Variants in GRM8 observed in about 807,000 individuals in gnomAD.
GRM8 encodes glutamate metabotropic receptor 8.
In GRM8, 47 loss-of-function variants were observed where a neutral mutation model predicts 87.2. The ratio of observed to expected loss-of-function variants is 0.54; its 90% CI spans 0.43 to 0.69. The LOEUF (loss-of-function observed/expected upper bound fraction) is 0.69, where lower values mean the gene tolerates loss of function less well. Ranked by LOEUF, GRM8 falls within the 30% of genes least tolerant of loss-of-function variation. GRM8 has a pLI of 0.00. For synonymous variants in GRM8, 396 were observed against 404.5 expected (o/e 0.98, Z 0.25); for missense variants, 1,019 against 1,139.2 (o/e 0.89, Z 1.52).
chr7:127,250,627 T>C (rs1798817087), intron 1 of GRM8, among the ~76,000 whole-genome samples: 1 of 152,206 alleles, frequency 6.6e-6, no homozygotes, highest in Admixed American at 6.5e-5. Context: ...AGGAAGCTTT[T>C]CTTTTCAAAA....
intron 3 of GRM8, among the ~76,000 whole-genome samples, chr7:127,076,883 C>T (rs891620703): frequency 1.3e-5 from 2 of 152,128 alleles, no homozygotes; most frequent in African/African-American, 4.8e-5. Context: ...TTAGAGCTGT[C>T]TGTGGTTAAA....
intron 8 of GRM8, among the ~76,000 whole-genome samples, chr7:126,596,018 G>A (rs960253349): frequency 1.3e-5 from 2 of 152,118 alleles, no homozygotes; most frequent in African/African-American, 4.8e-5. Flanking sequence ...AGGCTACTCA[G>A]GAGGCTGAGC....
At chr7:126,477,653 G>T (rs1220689898) in intron 9 of GRM8, among the ~76,000 whole-genome samples, 1 of 147,150 alleles carries the variant, frequency 6.8e-6, no homozygotes, top group East Asian at 2.0e-4. Context: ...GAAAGAGAAA[G>T]AAAGAAAAGA....
In GRM8 at chr7:126,972,602, GA is replaced by G. The variant is rs796571212; in HGVS notation, c.728-67920del. 5.9e-5 allele frequency among the ~76,000 whole-genome samples: 9 copies of G among 152,034 alleles called. 1 individual carries two copies. Among genetic ancestry groups the G allele is most frequent in the African/African-American group, 2.2e-4 (9 of 41,456 alleles). ...ATTTCTATCTGCATTACAAATGCTA[GA>G]TTTAACCAATCTATCAAACCAGGAT... On this transcript the variant is annotated intron_variant, in intron 3 of 10. Coordinates refer to ENST00000339582, the MANE Select transcript of GRM8 (RefSeq NM_000845.3).
At chr7:126,769,583 T>A (rs925865362) in intron 7 of GRM8, among the ~76,000 whole-genome samples, 1 of 152,160 alleles carries the variant, frequency 6.6e-6, no homozygotes, top group Non-Finnish European at 1.5e-5. Context: ...TGGTTTCAAA[T>A]AAGCCTTCTA....
rs144812305 is a variant in GRM8 at position 127,077,683 on chromosome 7, T to C, written c.727+28813A>G. 7.8e-3 allele frequency among the ~76,000 whole-genome samples: 1,188 copies of C among 152,344 alleles called. 10 individuals carry two copies. The highest frequency in any genetic ancestry group is 0.026 in the African/African-American group (1,098 of 41,572). ...AACTGACCAGTAGACATGCCCATTT[T>C]TTAATTACGTTCTCTGCCAGGTAAC... On this transcript the variant is annotated intron_variant, in intron 3 of 10. Transcript: ENST00000339582.
At chr7:126,597,341 C>G (rs890755546) in intron 8 of GRM8, among the ~76,000 whole-genome samples, 1 of 152,006 alleles carries the variant, frequency 6.6e-6, no homozygotes, top group Admixed American at 6.6e-5. Flanking sequence ...AATTAATATA[C>G]AATACTTTTC....
intron 6 of GRM8, among the ~76,000 whole-genome samples, chr7:126,809,120 C>T (rs1793053506): frequency 6.6e-6 from 1 of 152,140 alleles, no homozygotes. Flanking sequence ...ATGGCCTCTT[C>T]CTCCACTTTC....
At chr7:126,487,449 T>A (rs910874582) in intron 9 of GRM8, among the ~76,000 whole-genome samples, 2 of 151,908 alleles carry the variant, frequency 1.3e-5, no homozygotes, top group Admixed American at 6.6e-5. Context: ...TTTTAATAAC[T>A]TTTTCTGATA....
intron 9 of GRM8, among the ~76,000 whole-genome samples, chr7:126,464,098 A>G (rs1804215904): frequency 6.6e-6 from 1 of 151,516 alleles, no homozygotes; most frequent in Non-Finnish European, 1.5e-5. Context: ...CCCATTTTCT[A>G]TTGAGTCATT....
rs1812340227 is a variant in GRM8 at position 126,721,067 on chromosome 7, A to G, written c.1357+48798T>C. On this transcript the variant is annotated intron_variant, in intron 7 of 10. Transcript: ENST00000339582. ...TCATCAGCACTAACAGCTTGACCCT[A>G]CACCCCAATGGTATATAGGATATAC... Among the ~76,000 whole-genome samples, 2 of 152,192 alleles carry G rather than the reference A, an allele frequency of 1.3e-5. 1 individual carries two copies. Among genetic ancestry groups the G allele is most frequent in the South Asian group, 4.1e-4 (2 of 4,834 alleles).
chr7:127,055,146 C>T (rs1330392945), intron 3 of GRM8, among the ~76,000 whole-genome samples: 1 of 152,048 alleles, frequency 6.6e-6, no homozygotes, highest in African/African-American at 2.4e-5. Flanking sequence ...TGGTGTTGAA[C>T]CTTAAAGAAA....
intron 7 of GRM8, among the ~76,000 whole-genome samples, chr7:126,636,385 A>G (rs1392170223): frequency 1.2e-4 from 18 of 152,202 alleles, no homozygotes; most frequent in African/African-American, 4.1e-4. Flanking sequence ...CATATAACCT[A>G]TGTACATCCT....
chr7:126,591,497 T>C (rs1007320081), intron 8 of GRM8, among the ~76,000 whole-genome samples: 1 of 151,938 alleles, frequency 6.6e-6, no homozygotes, highest in African/African-American at 2.4e-5. Context: ...AAAGAAACAA[T>C]GGATTTAAAC....
At chr7:126,504,460 C>T (rs1217999412) in intron 9 of GRM8, among the ~76,000 whole-genome samples, 1 of 151,830 alleles carries the variant, frequency 6.6e-6, no homozygotes, top group Non-Finnish European at 1.5e-5. Context: ...TGTATGGTGC[C>T]AGTGTACTGA....
At chr7:126,984,560 G>A (rs535020127) in intron 3 of GRM8, among the ~76,000 whole-genome samples, 3 of 152,212 alleles carry the variant, frequency 2.0e-5, no homozygotes, top group Non-Finnish European at 4.4e-5. Context: ...AAATTCTTCA[G>A]CTTTGGGACT....
chr7:126,760,366 T>C (rs1364963315), intron 7 of GRM8, among the ~76,000 whole-genome samples: 1 of 152,208 alleles, frequency 6.6e-6, no homozygotes, highest in Non-Finnish European at 1.5e-5. Context: ...TAAGTCCTTA[T>C]ATTTTAAAGG....
At position 127,243,430 on chromosome 7, in the gene GRM8, G is replaced by A. The variant is rs1006676892; in HGVS notation, c.-226C>T. 1.9e-6 allele frequency: 1 copy of A among 529,742 alleles called. No individual in the cohort carries two copies. Among genetic ancestry groups the A allele is most frequent in the Non-Finnish European group, 3.3e-6 (1 of 301,690 alleles). The allele number at this position is 529,742 out of a possible 1,614,324, so 32.8% of individuals were successfully genotyped here. On this transcript the variant is annotated 5_prime_UTR_variant, in exon 2 of 11. Coordinates refer to ENST00000339582, the MANE Select transcript of GRM8 (RefSeq NM_000845.3). ...ATAAGATCAACTTGCCTGGAATGGT[G>A]CAAAAATTAGAACATCTGAGGTTCT...
chr7:126,842,173 A>C (rs1796325536), intron 6 of GRM8, among the ~76,000 whole-genome samples: 1 of 152,228 alleles, frequency 6.6e-6, no homozygotes, highest in East Asian at 1.9e-4. Flanking sequence ...AACAAAGGTC[A>C]AATAGCAAGA....
Sources: allele counts gnomAD v4.1 joint callset (sites outside exome capture counted in the v4.1 genomes callset), GRCh38; gene constraint gnomAD v4.1.1; transcripts MANE v1.5; gene names NCBI Gene and HGNC (gene_info 2026-07-23, HGNC 2026-07-21).